Variants in TRAP1 observed in about 807,000 individuals in gnomAD.
TRAP1 encodes TNF receptor associated protein 1.
TRAP1 carries 102 observed loss-of-function variants against 89.1 expected under a neutral mutation model. The observed-to-expected ratio is 1.15, with a 90% CI of 0.98 to 1.35. TRAP1 has a LOEUF of 1.35. Among genes scored for constraint, TRAP1 ranks in the 40% most tolerant of loss-of-function variants. The probability of loss-of-function intolerance (pLI) is 0.00; values close to 1 mark genes in which losing one functional copy is unlikely to be tolerated. For missense variants in TRAP1, 1,256 were observed against 945.3 expected (o/e 1.33, Z -4.31); for synonymous variants, 508 against 388.0 (o/e 1.31, Z -3.64).
At chr16:3,710,838 TTC>T (rs1176857171) in intron 1 of TRAP1, among the ~76,000 whole-genome samples, 1 of 149,276 alleles carries the variant, frequency 6.7e-6, no homozygotes, top group Non-Finnish European at 1.5e-5. Context: ...CAAAATTAAT[TTC>T]TTTTATATGT....
At chr16:3,663,360 G>A (rs924788085) in intron 14 of TRAP1, 64 bp downstream of exon 14, 27 of 1,596,848 alleles carry the variant, frequency 1.7e-5, no homozygotes, top group Middle Eastern at 1.7e-4. Flanking sequence ...CCCTCGCTGC[G>A]GGGCAGGAGA....
At chr16:3,665,862 A>C in intron 12 of TRAP1, 109 bp downstream of exon 12, 15 of 1,322,988 alleles carry the variant, frequency 1.1e-5, no homozygotes, top group South Asian at 1.5e-5. Flanking sequence ...AGCAGCAGCC[A>C]GGGTACCCAG....
chr16:3,705,975 G>C (rs918646216), intron 1 of TRAP1, among the ~76,000 whole-genome samples: 2 of 151,032 alleles, frequency 1.3e-5, no homozygotes, highest in African/African-American at 2.4e-5. Flanking sequence ...TTACAGGCGT[G>C]AGCCACCAGT....
chr16:3,705,968 C>T (rs1056481810), intron 1 of TRAP1, among the ~76,000 whole-genome samples: 5 of 151,034 alleles, frequency 3.3e-5, no homozygotes, highest in African/African-American at 1.2e-4. Flanking sequence ...GCTGGGATTA[C>T]AGGCGTGAGC....
chr16:3,699,629 CAAAAAAAAAAA>C (rs35602361), intron 1 of TRAP1, among the ~76,000 whole-genome samples: 3 of 72,056 alleles, frequency 4.2e-5, no homozygotes, highest in African/African-American at 1.5e-4. Flanking sequence ...AACTCCGTCT[CAAAAAAAAAAA>C]AAAAAAAAAA....
chr16:3,691,238 G>A, intron 1 of TRAP1: 1 of 301,470 alleles, frequency 3.3e-6, no homozygotes, highest in Non-Finnish European at 6.1e-6. Flanking sequence ...GAGGGGGTGG[G>A]CTGCTGCCTT....
chr16:3,658,101 G>A lies in TRAP1; in HGVS notation c.*28C>T. 2.5e-6 allele frequency: 4 copies of A among 1,611,746 alleles called. No homozygotes were observed. The highest frequency in any genetic ancestry group is 3.4e-6 in the Non-Finnish European group (4 of 1,178,006). On this transcript the variant is annotated 3_prime_UTR_variant, in exon 18 of 18. Coordinates refer to ENST00000246957, the MANE Select transcript of TRAP1 (RefSeq NM_016292.3). ...TCAAGGAGGTGGGGCTGTCATCTGT[G>A]GTGTCAGTCCTTCTGGCCCCCTGGC... is the stretch of plus-strand genomic sequence containing the variant.
intron 4 of TRAP1, among the ~76,000 whole-genome samples, chr16:3,683,014 C>T (rs2051092693): frequency 6.8e-6 from 1 of 148,108 alleles, no homozygotes. Flanking sequence ...ATTAAAAATA[C>T]AAAATTAGCC....
chr16:3,716,787 G>A (rs1318464948), intron 1 of TRAP1, among the ~76,000 whole-genome samples: 1 of 152,142 alleles, frequency 6.6e-6, no homozygotes, highest in Non-Finnish European at 1.5e-5. Context: ...ACATTTATTG[G>A]CGCATCCATC....
chr16:3,686,185 G>A (rs752623950), intron 3 of TRAP1, 49 bp from the exon 4 acceptor site: 2 of 1,598,294 alleles, frequency 1.3e-6, no homozygotes, highest in Non-Finnish European at 1.7e-6. Context: ...CACTCATCCT[G>A]CAGGATCTAT....
At chr16:3,715,061 C>A (rs921745040) in intron 1 of TRAP1, among the ~76,000 whole-genome samples, 10 of 152,152 alleles carry the variant, frequency 6.6e-5, no homozygotes, top group Non-Finnish European at 1.5e-4. Flanking sequence ...AGAACATGTT[C>A]CATTTCTTAG....
At chr16:3,672,622 A>T (rs1161655607) in intron 10 of TRAP1, 78 bp downstream of exon 10, 1 of 1,498,414 alleles carries the variant, frequency 6.7e-7, no homozygotes, top group African/African-American at 1.4e-5. Context: ...CTGAGAATGG[A>T]ATCAGCACGG....
intron 1 of TRAP1, among the ~76,000 whole-genome samples, chr16:3,712,663 A>G (rs2051548066): frequency 6.6e-6 from 1 of 152,152 alleles, no homozygotes; most frequent in African/African-American, 2.4e-5. Context: ...GAGGGAGTGC[A>G]GTGGCACAAT....
rs1294319456 is a variant in TRAP1 at position 3,665,926 on chromosome 16, G to C, written c.1383+45C>G. On this transcript the variant is annotated intron_variant, in intron 12 of 17. Coordinates refer to ENST00000246957, the MANE Select transcript of TRAP1 (RefSeq NM_016292.3). ...TCCACCAGCTTCCTCAGCAGCCCCA[G>C]GGACAAGGTGGCCCAGAAAAAGGCC... 2.5e-6 allele frequency: 4 copies of C among 1,587,628 alleles called. No individual in the cohort carries two copies. The African/African-American group carries it at 4.1e-5, about 16-fold the overall frequency.
intron 4 of TRAP1, among the ~76,000 whole-genome samples, chr16:3,684,234 CAAAAGA>C (rs1176530223): frequency 6.6e-6 from 1 of 152,034 alleles, no homozygotes; most frequent in Admixed American, 6.6e-5. Flanking sequence ...TATTTGACAT[CAAAAGA>C]AAAAGATGAT....
intron 16 of TRAP1, 188 bp downstream of exon 16, chr16:3,661,799 T>G: frequency 3.2e-6 from 2 of 616,712 alleles, no homozygotes; most frequent in Non-Finnish European, 4.9e-6. Flanking sequence ...CACCTGGGGA[T>G]GGTAAGGGGC....
chr16:3,696,737 T>G (rs1185222067), intron 1 of TRAP1, among the ~76,000 whole-genome samples: 1 of 149,474 alleles, frequency 6.7e-6, no homozygotes, highest in Non-Finnish European at 1.5e-5. Context: ...TTTTTTTTCT[T>G]TTTTTTTTTG....
intron 17 of TRAP1, 33 bp from the exon 18 acceptor site, chr16:3,658,263 G>A: frequency 6.5e-7 from 1 of 1,534,226 alleles, no homozygotes; most frequent in Non-Finnish European, 8.9e-7. Flanking sequence ...CATTATGAGG[G>A]GCATGGGGCA....
intron 1 of TRAP1, among the ~76,000 whole-genome samples, chr16:3,698,240 G>A (rs769485813): frequency 5.3e-5 from 8 of 151,470 alleles, no homozygotes; most frequent in African/African-American, 1.2e-4. Flanking sequence ...GTATCATAAC[G>A]CCAAGATTAC....
Sources: gnomAD v4.1 joint callset for allele counts (sites outside exome capture counted in the v4.1 genomes callset) on GRCh38, gnomAD v4.1.1 for gene constraint, MANE v1.5 for transcripts, NCBI Gene and HGNC (gene_info 2026-07-23, HGNC 2026-07-21) for gene names.